Variants in ANKRD42 observed in about 807,000 individuals in gnomAD.
ANKRD42 encodes ankyrin repeat domain 42.
Under a neutral mutation model 51.5 loss-of-function variants are expected in ANKRD42, and 43 were observed. The observed-to-expected ratio is 0.83, with a 90% CI of 0.65 to 1.08. The LOEUF is 1.08. ANKRD42 is among the 50% of genes least tolerant of loss of function. ANKRD42 has a pLI of 0.00. For missense variants in ANKRD42, 608 were observed against 629.3 expected, an observed-to-expected ratio of 0.97 and a Z score of 0.36; for synonymous variants, 203 against 213.0, an observed-to-expected ratio of 0.95 and a Z score of 0.41.
At chr11:83,212,991 T>C (rs746965259) in intron 5 of ANKRD42, 3 of 1,598,356 alleles carry the variant, frequency 1.9e-6, no homozygotes, top group Non-Finnish European at 2.5e-6. Flanking sequence ...GGCAGCCATC[T>C]CCTCCTCAGC....
chr11:83,218,180 G>A (rs1342834425), intron 5 of ANKRD42, among the ~76,000 whole-genome samples: 4 of 152,164 alleles, frequency 2.6e-5, no homozygotes, highest in African/African-American at 4.8e-5. Flanking sequence ...CTGTGTAATT[G>A]TGGATAACAT....
chr11:83,194,653 A>C lies in ANKRD42; in HGVS notation c.-18A>C, dbSNP rs765951305. ...GGGCCTGGACTCAACTCCTCCCCAG[A>C]GTCGGAGGTGTTGCGCCATGCCCGG... is the stretch of plus-strand genomic sequence containing the variant. On this transcript the variant is annotated 5_prime_UTR_variant, in exon 1 of 11. Coordinates refer to ENST00000533342, the MANE Select transcript of ANKRD42 (RefSeq NM_001300975.2). The C allele has an allele frequency of 2.5e-6, 4 of 1,613,514 alleles. No individual in the cohort carries two copies. The highest frequency in any genetic ancestry group is 3.4e-6 in the Non-Finnish European group (4 of 1,179,716).
downstream of ANKRD42, among the ~76,000 whole-genome samples, chr11:83,250,071 G>A (rs1863647794): frequency 6.6e-6 from 1 of 151,960 alleles, no homozygotes; most frequent in South Asian, 2.1e-4. Context: ...CTAAGGATAG[G>A]AAGAATTTAT....
At chr11:83,257,341 A>G, downstream of ANKRD42, 1 of 455,296 alleles carries the variant, frequency 2.2e-6, no homozygotes, top group Non-Finnish European at 4.4e-6. Context: ...AGCTGGCTCC[A>G]AGAGAGTCAT....
chr11:83,253,550 AG>A (rs1490635265), downstream of ANKRD42, among the ~76,000 whole-genome samples: 2 of 152,192 alleles, frequency 1.3e-5, no homozygotes, highest in Admixed American at 6.5e-5. Context: ...TTTCCCCACA[AG>A]GATTTTTGTC....
At chr11:83,199,665 G>A (rs528171141) in intron 2 of ANKRD42, among the ~76,000 whole-genome samples, 1 of 152,272 alleles carries the variant, frequency 6.6e-6, no homozygotes, top group South Asian at 2.1e-4. Context: ...ATGTGTATGG[G>A]GGGCTTATTT....
At chr11:83,197,337 A>G (rs985448518) in intron 1 of ANKRD42, among the ~76,000 whole-genome samples, 1 of 152,188 alleles carries the variant, frequency 6.6e-6, no homozygotes, top group Non-Finnish European at 1.5e-5. Context: ...ATTTTCTATC[A>G]TGTTATCATA....
intron 7 of ANKRD42, among the ~76,000 whole-genome samples, chr11:83,228,722 C>T (rs1264480739): frequency 6.6e-6 from 1 of 152,024 alleles, no homozygotes; most frequent in Non-Finnish European, 1.5e-5. Context: ...AATCTAAGTG[C>T]TATGTGTACC....
chr11:83,213,374 C>CGCCAG, intron 5 of ANKRD42: 3 of 1,575,234 alleles, frequency 1.9e-6, no homozygotes, highest in Non-Finnish European at 2.6e-6. Context: ...CCAACCCCAA[C>CGCCAG]GCCAGGCTGC....
intron 7 of ANKRD42, among the ~76,000 whole-genome samples, chr11:83,231,246 G>A (rs1389377041): frequency 6.6e-5 from 10 of 152,158 alleles, no homozygotes; most frequent in Admixed American, 6.5e-4. Flanking sequence ...TTGGATGTAA[G>A]TCATTTTAAC....
intron 5 of ANKRD42, among the ~76,000 whole-genome samples, chr11:83,222,372 G>A (rs2135523572): frequency 6.6e-6 from 1 of 152,302 alleles, no homozygotes; most frequent in African/African-American, 2.4e-5. Context: ...AAAAGACAAA[G>A]TCCTGCCTAC....
rs530994262 is a variant in ANKRD42 at position 83,225,139 on chromosome 11, A to G, written c.787+84A>G. The G allele has an allele frequency of 3.2e-6, 4 of 1,234,018 alleles. No individual in the cohort carries two copies. In the East Asian group the frequency reaches 7.6e-5, roughly 23 times the overall value. The allele number at this position is 1,234,018 out of a possible 1,614,324, so 76.4% of individuals were successfully genotyped here. On this transcript the variant is annotated intron_variant, in intron 6 of 10. Coordinates refer to ENST00000533342, the MANE Select transcript of ANKRD42 (RefSeq NM_001300975.2). ...TAATGAGTAGAATCAATGAAATAGGAAAAGATATAAGGCAAATGTTATATA... is the reference window on the plus strand; with the variant it reads ...TAATGAGTAGAATCAATGAAATAGGGAAAGATATAAGGCAAATGTTATATA...
intron 7 of ANKRD42, among the ~76,000 whole-genome samples, chr11:83,228,794 C>CAG (rs890768336): frequency 6.6e-6 from 1 of 152,142 alleles, no homozygotes; most frequent in Non-Finnish European, 1.5e-5. Flanking sequence ...TTCTCCTACA[C>CAG]AGAGAGAGGT....
intron 7 of ANKRD42, among the ~76,000 whole-genome samples, chr11:83,230,610 G>A (rs1332223592): frequency 1.3e-5 from 2 of 149,018 alleles, no homozygotes; most frequent in African/African-American, 2.5e-5. Context: ...TTTTTGAGAC[G>A]GAGTCTCACT....
chr11:83,238,960 G>C (rs1565194681), intron 8 of ANKRD42, among the ~76,000 whole-genome samples: 1 of 151,790 alleles, frequency 6.6e-6, no homozygotes, highest in East Asian at 1.9e-4. Flanking sequence ...GGTGAGCCTA[G>C]ATCGCACCAC....
intron 2 of ANKRD42, among the ~76,000 whole-genome samples, chr11:83,203,891 A>T (rs958524027): frequency 6.6e-6 from 1 of 152,140 alleles, no homozygotes; most frequent in South Asian, 2.1e-4. Context: ...TTTTCATTTC[A>T]GATATACTGT....
chr11:83,194,476 G>A lies in ANKRD42; in HGVS notation c.-195G>A, dbSNP rs1229062700. On this transcript the variant is annotated 5_prime_UTR_variant, in exon 1 of 11. Coordinates refer to ENST00000533342, the MANE Select transcript of ANKRD42 (RefSeq NM_001300975.2). Reference sequence around the variant, plus strand: ...CAGCTACCGCTTCAGTGGCTTTTGGGAGAGAGAAAGTGAAGACGAAGGTTT... The same window carrying A: ...CAGCTACCGCTTCAGTGGCTTTTGGAAGAGAGAAAGTGAAGACGAAGGTTT... 12 of 707,012 alleles carry A rather than the reference G, an allele frequency of 1.7e-5. No individual in the cohort carries two copies. Among genetic ancestry groups the A allele is most frequent in the African/African-American group, 5.2e-5 (3 of 57,348 alleles). The allele number at this position is 707,012 out of a possible 1,614,324, so 43.8% of individuals were successfully genotyped here.
intron 1 of ANKRD42, among the ~76,000 whole-genome samples, chr11:83,197,021 T>A (rs958629581): frequency 4.6e-5 from 7 of 152,170 alleles, no homozygotes; most frequent in African/African-American, 9.7e-5. Flanking sequence ...CTGGCTGTGC[T>A]AGTTTAAAGA....
rs746402665 is a variant in ANKRD42 at position 83,194,676 on chromosome 11, C to G, written c.6C>G (p.Pro2=). M[P]GVANSGPSTS... The stretch of plus-strand genomic sequence containing the variant: ...AGAGTCGGAGGTGTTGCGCCATGCC[C>G]GGGGTGGCCAATTCAGGCCCCTCCA... The change falls in exon 1 of 11, where the codon CCC becomes CCG. Residue 2 remains proline (P), a synonymous_variant. Coordinates refer to ENST00000533342, the MANE Select transcript of ANKRD42 (RefSeq NM_001300975.2). The G allele has an allele frequency of 3.8e-5, 61 of 1,613,772 alleles. No homozygotes were observed. The highest frequency in any genetic ancestry group is 5.1e-5 in the Non-Finnish European group (60 of 1,179,948).
Sources: allele counts gnomAD v4.1 joint callset (sites outside exome capture counted in the v4.1 genomes callset), GRCh38; gene constraint gnomAD v4.1.1; transcripts MANE v1.5; gene names NCBI Gene and HGNC (gene_info 2026-07-23, HGNC 2026-07-21).